The following ANKS1B variants were observed in gnomAD, a reference collection of about 807,000 sequenced individuals.
The protein encoded by ANKS1B is ankyrin repeat and sterile alpha motif domain containing 1B, also known as ankyrin repeat and sterile alpha motif domain-containing protein 1B.
A neutral mutation model predicts 148.3 loss-of-function variants in ANKS1B; 36 were observed. The ratio of observed to expected loss-of-function variants is 0.24; its 90% CI spans 0.19 to 0.32. ANKS1B has a LOEUF of 0.32. Ranked by LOEUF, ANKS1B falls within the 10% of genes least tolerant of loss-of-function variation. ANKS1B has a pLI of 1.00. For missense variants in ANKS1B, 1,157 were observed against 1,542.6 expected (o/e 0.75, Z 4.19); for synonymous variants, 542 against 560.8 (o/e 0.97, Z 0.47).
At chr12:99,598,154 A>G (rs1321919477) in intron 9 of ANKS1B, among the ~76,000 whole-genome samples, 1 of 152,080 alleles carries the variant, frequency 6.6e-6, no homozygotes, top group Non-Finnish European at 1.5e-5. Flanking sequence ...CATATAGATA[A>G]AAATATGATG....
intron 19 of ANKS1B, among the ~76,000 whole-genome samples, chr12:98,827,027 A>G (rs1482259968): frequency 6.6e-6 from 1 of 152,260 alleles, no homozygotes; most frequent in African/African-American, 2.4e-5. Flanking sequence ...GAAAAGTCAC[A>G]TAAATTGAAT....
intron 19 of ANKS1B, among the ~76,000 whole-genome samples, chr12:98,815,540 C>T (rs1190755993): frequency 3.3e-5 from 5 of 152,212 alleles, no homozygotes; most frequent in African/African-American, 1.2e-4. Context: ...AAGACTTGGA[C>T]ACCCAGCTGC....
intron 1 of ANKS1B, among the ~76,000 whole-genome samples, chr12:99,927,687 C>T (rs1231595096): frequency 1.3e-5 from 2 of 152,044 alleles, no homozygotes; most frequent in African/African-American, 4.8e-5. Context: ...GAAGCTAAGG[C>T]AGGAGGATCA....
At chr12:99,686,050 C>A (rs1210028465) in intron 8 of ANKS1B, among the ~76,000 whole-genome samples, 1 of 151,990 alleles carries the variant, frequency 6.6e-6, no homozygotes, top group Non-Finnish European at 1.5e-5. Flanking sequence ...ATGATAGGTG[C>A]ACCAAAATCT....
chr12:99,860,479 A>G (rs2089874620), intron 1 of ANKS1B, among the ~76,000 whole-genome samples: 1 of 152,230 alleles, frequency 6.6e-6, no homozygotes, highest in Admixed American at 6.5e-5. Flanking sequence ...AGATCTTCTA[A>G]TGAAAGGAAA....
rs763767648 is a variant in ANKS1B, at chr12:99,361,396, C to T, written c.1756+38235G>A. The stretch of plus-strand genomic sequence containing the variant: ...CTATTTTTGAAAGTCTCATTTCAAA[C>T]GCTTTATTAAGTAACTCCTTATTAT... On this transcript the variant is annotated intron_variant, in intron 12 of 26. Transcript: ENST00000683438. 1.4e-3 allele frequency among the ~76,000 whole-genome samples: 207 copies of T among 152,154 alleles called. 1 individual carries two copies. Among genetic ancestry groups the T allele is most frequent in the Middle Eastern group, 3.4e-3 (1 of 294 alleles).
At chr12:99,545,670 C>T (rs1436174943) in intron 9 of ANKS1B, among the ~76,000 whole-genome samples, 2 of 151,704 alleles carry the variant, frequency 1.3e-5, no homozygotes, top group African/African-American at 4.8e-5. Flanking sequence ...CCTTCCATTT[C>T]AATCACTGTA....
intron 15 of ANKS1B, among the ~76,000 whole-genome samples, chr12:99,110,773 A>AC (rs1483177568): frequency 8.8e-5 from 13 of 148,400 alleles, no homozygotes; most frequent in African/African-American, 3.4e-4. Context: ...ATGAATTTGT[A>AC]CTTTTTTTTG....
chr12:99,568,960 T>C (rs1001833719), intron 9 of ANKS1B, among the ~76,000 whole-genome samples: 7 of 152,220 alleles, frequency 4.6e-5, no homozygotes, highest in Admixed American at 4.6e-4. Flanking sequence ...GATTACCTAG[T>C]GCCTCTTCTC....
At chr12:98,824,964 A>T (rs1385844000) in intron 19 of ANKS1B, among the ~76,000 whole-genome samples, 1 of 152,060 alleles carries the variant, frequency 6.6e-6, no homozygotes, top group Non-Finnish European at 1.5e-5. Context: ...ATGGCACATG[A>T]GAAATTAGTA....
At chr12:99,450,143 A>G (rs1242495093) in intron 10 of ANKS1B, among the ~76,000 whole-genome samples, 2 of 152,164 alleles carry the variant, frequency 1.3e-5, no homozygotes, top group African/African-American at 2.4e-5. Flanking sequence ...TCAAGAGCCA[A>G]CATTTCAGTC....
intron 9 of ANKS1B, among the ~76,000 whole-genome samples, chr12:99,566,019 G>A (rs149063491): frequency 1.3e-5 from 2 of 152,168 alleles, no homozygotes; most frequent in African/African-American, 4.8e-5. Flanking sequence ...TACTGAATAC[G>A]CTGACATTTT....
intron 12 of ANKS1B, among the ~76,000 whole-genome samples, chr12:99,317,517 T>C (rs2084366860): frequency 6.6e-6 from 1 of 152,204 alleles, no homozygotes; most frequent in African/African-American, 2.4e-5. Context: ...TGATTTTGTA[T>C]CTTGGGAGTT....
intron 17 of ANKS1B, among the ~76,000 whole-genome samples, chr12:99,029,503 C>A (rs137966204): frequency 2.0e-5 from 3 of 152,332 alleles, no homozygotes; most frequent in Non-Finnish European, 4.4e-5. Context: ...GCACTGTTAT[C>A]TTTCTCCCCA....
At chr12:99,509,767 A>G (rs1041244077) in intron 9 of ANKS1B, among the ~76,000 whole-genome samples, 2 of 152,010 alleles carry the variant, frequency 1.3e-5, no homozygotes, top group African/African-American at 4.8e-5. Context: ...TAGATTTGCA[A>G]TGTAGATGAA....
At chr12:99,565,230 T>C (rs75377887) in intron 9 of ANKS1B, among the ~76,000 whole-genome samples, 2,006 of 152,246 alleles carry the variant, frequency 0.013, 48 homozygotes, top group African/African-American at 0.046. Flanking sequence ...ATAGAGGACA[T>C]AGTGGTAAAT....
chr12:98,736,000 T>G (rs2097770865), intron 9 of ANKS1B, among the ~76,000 whole-genome samples: 2 of 152,026 alleles, frequency 1.3e-5, no homozygotes. Flanking sequence ...GGATGGTTGG[T>G]GTATTCTGGG....
At chr12:99,466,020 T>C (rs547354692) in intron 10 of ANKS1B, among the ~76,000 whole-genome samples, 33 of 152,212 alleles carry the variant, frequency 2.2e-4, no homozygotes, top group African/African-American at 7.7e-4. Context: ...TATTCCAAAA[T>C]TGACCACATA....
intron 17 of ANKS1B, among the ~76,000 whole-genome samples, chr12:98,913,231 T>C (rs1422454876): frequency 6.6e-6 from 1 of 152,226 alleles, no homozygotes; most frequent in African/African-American, 2.4e-5. Context: ...TCTACTGATG[T>C]GTAGACTGAT....
Sources: allele counts gnomAD v4.1 joint callset (sites outside exome capture counted in the v4.1 genomes callset), GRCh38; gene constraint gnomAD v4.1.1; transcripts MANE v1.5; gene names NCBI Gene and HGNC (gene_info 2026-07-23, HGNC 2026-07-21).